Variants in ZMYND8 observed in about 807,000 individuals in gnomAD.
ZMYND8 encodes the protein zinc finger MYND-type containing 8.
In ZMYND8, 37 loss-of-function variants were observed where a neutral mutation model predicts 140.8. That is an observed-to-expected ratio of 0.26 (90% CI 0.20 to 0.35). The LOEUF is 0.35. ZMYND8 is among the 10% of genes least tolerant of loss of function. The pLI is 1.00. For synonymous variants in ZMYND8, 592 were observed against 597.1 expected, an observed-to-expected ratio of 0.99 and a Z score of 0.12; for missense variants, 1,068 against 1,570.0, an observed-to-expected ratio of 0.68 and a Z score of 5.40.
At chr20:47,324,543 C>A (rs113037819) in intron 2 of ZMYND8, among the ~76,000 whole-genome samples, 146 of 152,034 alleles carry the variant, frequency 9.6e-4, no homozygotes, top group African/African-American at 3.0e-3. Context: ...ATAAAAACCT[C>A]AATAAGATAG....
At chr20:47,261,554 A>G (rs528468752) in intron 12 of ZMYND8, among the ~76,000 whole-genome samples, 177 of 14,324 alleles carry the variant, frequency 0.012, 1 homozygote, top group African/African-American at 0.081. Context: ...AACAGTTATC[A>G]TCATCATCAT....
At chr20:47,313,426 TC>T (rs899508646) in intron 2 of ZMYND8, among the ~76,000 whole-genome samples, 9 of 150,650 alleles carry the variant, frequency 6.0e-5, no homozygotes, top group Admixed American at 2.0e-4. Flanking sequence ...ATCGAGACCA[TC>T]CTGGCTAACA....
At chr20:47,267,787 G>T (rs1001682037) in intron 11 of ZMYND8, among the ~76,000 whole-genome samples, 1 of 152,150 alleles carries the variant, frequency 6.6e-6, no homozygotes, top group Admixed American at 6.5e-5. Context: ...TGACCTGAGG[G>T]CCACCCTGGA....
chr20:47,278,924 C>T (rs953893028), intron 10 of ZMYND8, among the ~76,000 whole-genome samples: 3 of 151,996 alleles, frequency 2.0e-5, no homozygotes, highest in Non-Finnish European at 4.4e-5. Flanking sequence ...AATGACTCCC[C>T]CTTCCTGAGC....
chr20:47,287,848 A>ACGCACACT (rs148980526), intron 7 of ZMYND8, among the ~76,000 whole-genome samples: 5 of 150,992 alleles, frequency 3.3e-5, no homozygotes, highest in Non-Finnish European at 4.4e-5. Flanking sequence ...ACACACACAC[A>ACGCACACT]CACGCACACA....
chr20:47,321,946 AG>A (rs2079993977), intron 2 of ZMYND8, among the ~76,000 whole-genome samples: 1 of 142,410 alleles, frequency 7.0e-6, no homozygotes, highest in South Asian at 2.2e-4. Flanking sequence ...TTGCAACCTC[AG>A]CCTCCCAGGC....
At chr20:47,354,204 G>C (rs764738146) in intron 1 of ZMYND8, 1 of 152,184 alleles carries the variant, frequency 6.6e-6, no homozygotes, top group Non-Finnish European at 1.5e-5. Flanking sequence ...GGAACTTGCT[G>C]GGGGCTGTAC....
intron 14 of ZMYND8, among the ~76,000 whole-genome samples, chr20:47,240,755 C>A (rs1231857400): frequency 1.3e-5 from 2 of 151,344 alleles, no homozygotes; most frequent in Admixed American, 6.6e-5. Context: ...GGGGTTTCGC[C>A]ATCTTGCCCA....
At position 47,276,401 on chromosome 20, in the gene ZMYND8, C is replaced by T. The variant is rs1420215630; in HGVS notation, c.1393G>A (p.Asp465Asn). The T allele has an allele frequency of 1.9e-6, 3 of 1,610,972 alleles. No individual in the cohort carries two copies. Among genetic ancestry groups the T allele is most frequent in the Non-Finnish European group, 2.5e-6 (3 of 1,177,488 alleles). The change falls in exon 11 of 23, where the codon GAC (aspartate) becomes AAC (asparagine). Residue 465 changes from aspartate (D) to asparagine (N), a missense_variant. Coordinates refer to ENST00000471951, the MANE Select transcript of ZMYND8 (RefSeq NM_001281775.3). The part of the protein sequence containing the change: ...STNSSVHTGS[D>N]VEQDAEKKAT... The stretch of plus-strand genomic sequence containing the variant: ...TTCTTCTCAGCATCCTGCTCCACGT[C>T]GGAGCCCGTGTGCACAGAAGAGTTT...
intron 17 of ZMYND8, 68 bp from the exon 18 acceptor site, chr20:47,227,349 C>G (rs2037847662): frequency 6.8e-7 from 1 of 1,469,778 alleles, no homozygotes; most frequent in Non-Finnish European, 9.5e-7. Flanking sequence ...CTCAGAAGCT[C>G]AACCACGGCT....
intron 2 of ZMYND8, among the ~76,000 whole-genome samples, chr20:47,335,253 C>CA (rs1437680464): frequency 6.7e-6 from 1 of 149,774 alleles, no homozygotes; most frequent in Non-Finnish European, 1.5e-5. Flanking sequence ...CTCAAACAAA[C>CA]AAACAAAAAA....
chr20:47,269,729 G>A (rs1307327451), intron 11 of ZMYND8, among the ~76,000 whole-genome samples: 3 of 152,134 alleles, frequency 2.0e-5, no homozygotes, highest in Non-Finnish European at 4.4e-5. Context: ...CCAGCACTCT[G>A]GGTGGGGTGG....
intron 4 of ZMYND8, among the ~76,000 whole-genome samples, chr20:47,296,865 A>G (rs1356875391): frequency 2.6e-5 from 4 of 152,122 alleles, no homozygotes; most frequent in Non-Finnish European, 5.9e-5. Flanking sequence ...CTCAGGTGGG[A>G]GGATCGCTTG....
At chr20:47,301,916 G>T (rs867485739) in intron 3 of ZMYND8, among the ~76,000 whole-genome samples, 1 of 152,136 alleles carries the variant, frequency 6.6e-6, no homozygotes, top group African/African-American at 2.4e-5. Flanking sequence ...ATGATGTTCT[G>T]GTGATAGTAA....
chr20:47,350,858 G>GC (rs2082723886), intron 1 of ZMYND8, among the ~76,000 whole-genome samples: 2 of 152,104 alleles, frequency 1.3e-5, no homozygotes, highest in Admixed American at 6.5e-5. Context: ...GAAACTGGGG[G>GC]CCCGCTACAG....
intron 3 of ZMYND8, among the ~76,000 whole-genome samples, chr20:47,306,230 A>T (rs2078471288): frequency 6.6e-6 from 1 of 152,034 alleles, no homozygotes; most frequent in African/African-American, 2.4e-5. Flanking sequence ...CCATCTCTAT[A>T]ACAAAATAAA....
In ZMYND8 at chr20:47,296,057, G is replaced by A. The variant is rs569436595; in HGVS notation, c.454-1278C>T. Among the ~76,000 whole-genome samples the A allele has an allele frequency of 1.1e-4, 16 of 151,548 alleles. No homozygotes were observed. In the South Asian group the frequency reaches 2.9e-3, roughly 28 times the overall value. ...AAGCTGAAAACAGTGCATGACGCAT[G>A]CATCTATTTGCTTAGCTACCACAGC... On this transcript the variant is annotated intron_variant, in intron 4 of 22. Coordinates refer to ENST00000471951, the MANE Select transcript of ZMYND8 (RefSeq NM_001281775.3).
chr20:47,352,692 G>A (rs1435455443), intron 1 of ZMYND8: 2 of 321,786 alleles, frequency 6.2e-6, no homozygotes, highest in Non-Finnish European at 8.9e-6. Flanking sequence ...AGGGCACAGT[G>A]CCCAAGGCCA....
chr20:47,267,355 C>CA (rs2075602734), intron 11 of ZMYND8, among the ~76,000 whole-genome samples: 1 of 152,054 alleles, frequency 6.6e-6, no homozygotes, highest in African/African-American at 2.4e-5. Context: ...GTGGTGGCTG[C>CA]ACAGCACTGT....
Sources: gnomAD v4.1 joint callset for allele counts (sites outside exome capture counted in the v4.1 genomes callset) on GRCh38, gnomAD v4.1.1 for gene constraint, MANE v1.5 for transcripts, NCBI Gene and HGNC (gene_info 2026-07-23, HGNC 2026-07-21) for gene names.